The following RASAL2 variants were observed in gnomAD, a reference collection of about 807,000 sequenced individuals.
RASAL2 encodes the protein RAS protein activator like 2, also known as ras GTPase-activating protein nGAP.
In RASAL2, 58 loss-of-function variants were observed where a neutral mutation model predicts 128.9. The observed-to-expected ratio is 0.45, with a 90% CI of 0.36 to 0.56. The LOEUF (loss-of-function observed/expected upper bound fraction) is 0.56. Among genes scored for constraint, RASAL2 ranks in the 20% least tolerant of loss-of-function variants. The pLI, the probability that RASAL2 is intolerant of heterozygous loss-of-function variation, is 0.00. For synonymous variants in RASAL2, 561 were observed against 580.8 expected (o/e 0.97, Z 0.49); for missense variants, 1,360 against 1,601.6 (o/e 0.85, Z 2.57).
intron 3 of RASAL2, chr1:178,341,723 A>T: frequency 6.8e-7 from 1 of 1,461,954 alleles, no homozygotes; most frequent in South Asian, 1.2e-5. Context: ...TATTGGCTTT[A>T]AAAAAATAGG....
intron 3 of RASAL2, among the ~76,000 whole-genome samples, chr1:178,331,406 A>T (rs1669303339): frequency 6.6e-6 from 1 of 152,166 alleles, no homozygotes; most frequent in Non-Finnish European, 1.5e-5. Flanking sequence ...CCCTTATAAA[A>T]ATAAATTTAT....
intron 1 of RASAL2, among the ~76,000 whole-genome samples, chr1:178,131,979 A>G (rs1283356917): frequency 6.6e-6 from 1 of 152,084 alleles, no homozygotes; most frequent in African/African-American, 2.4e-5. Flanking sequence ...ATGTTTTAGA[A>G]TTTTTGTTTC....
At chr1:178,345,135 C>T (rs72707017) in intron 3 of RASAL2, among the ~76,000 whole-genome samples, 4,888 of 152,256 alleles carry the variant, frequency 0.032, 99 homozygotes, top group Non-Finnish European at 0.051. Context: ...AACTCAAGCA[C>T]ATGAAGAGGG....
chr1:178,321,627 C>A (rs546111465), intron 3 of RASAL2, among the ~76,000 whole-genome samples: 135 of 152,124 alleles, frequency 8.9e-4, no homozygotes, highest in Non-Finnish European at 1.4e-3. Flanking sequence ...TCCTCCCCTG[C>A]CTCAGCCTCC....
chr1:178,347,448 A>T (rs1670208104), intron 3 of RASAL2, among the ~76,000 whole-genome samples: 1 of 152,222 alleles, frequency 6.6e-6, no homozygotes, highest in South Asian at 2.1e-4. Flanking sequence ...TTAAATTTTA[A>T]CGTTTGATCA....
chr1:178,246,240 C>T (rs966088450), intron 1 of RASAL2, among the ~76,000 whole-genome samples: 1 of 152,124 alleles, frequency 6.6e-6, no homozygotes, highest in African/African-American at 2.4e-5. Context: ...TCCCTTATTT[C>T]CTTGAGCAGT....
intron 1 of RASAL2, among the ~76,000 whole-genome samples, chr1:178,162,514 T>A (rs1171660799): frequency 1.5e-5 from 2 of 131,322 alleles, no homozygotes; most frequent in African/African-American, 5.7e-5. Flanking sequence ...TTATATATAT[T>A]TTATATAAAG....
chr1:178,253,098 A>T (rs759487869), intron 1 of RASAL2, among the ~76,000 whole-genome samples: 1 of 152,140 alleles, frequency 6.6e-6, no homozygotes, highest in Non-Finnish European at 1.5e-5. Flanking sequence ...CAAGACTCTG[A>T]GGGAAAATCT....
At chr1:178,403,133 T>TA (rs981807226) in intron 4 of RASAL2, among the ~76,000 whole-genome samples, 3 of 152,088 alleles carry the variant, frequency 2.0e-5, no homozygotes, top group African/African-American at 7.2e-5. Context: ...CAATAAAATT[T>TA]AAAAAAAATC....
At chr1:178,466,885 A>G (rs1196416473) in intron 16 of RASAL2, among the ~76,000 whole-genome samples, 1 of 152,248 alleles carries the variant, frequency 6.6e-6, no homozygotes, top group Non-Finnish European at 1.5e-5. Flanking sequence ...TGGCAGAATT[A>G]AACATCAATG....
rs1018838271 is a variant in RASAL2, at chr1:178,262,197, G to A, written c.203-21367G>A. 3.3e-5 allele frequency among the ~76,000 whole-genome samples: 5 copies of A among 152,152 alleles called. No homozygotes were observed. In the East Asian group the frequency reaches 7.7e-4, roughly 23 times the overall value. On this transcript the variant is annotated intron_variant, in intron 1 of 17. Transcript: ENST00000367649. ...AAAACAGTGACTAAAAAGAGAAAGTGGGCAGGCTCCTTGTATTGTTAGGAA... is the reference window on the plus strand; with the variant it reads ...AAAACAGTGACTAAAAAGAGAAAGTAGGCAGGCTCCTTGTATTGTTAGGAA...
intron 3 of RASAL2, among the ~76,000 whole-genome samples, chr1:178,349,499 A>G (rs1291067848): frequency 6.6e-6 from 1 of 152,050 alleles, no homozygotes; most frequent in African/African-American, 2.4e-5. Flanking sequence ...AATAGGTTAG[A>G]TGAGGAAAGC....
At chr1:178,430,001 A>G (rs1675780545) in intron 5 of RASAL2, among the ~76,000 whole-genome samples, 1 of 152,102 alleles carries the variant, frequency 6.6e-6, no homozygotes, top group African/African-American at 2.4e-5. Flanking sequence ...TTCTAGGACT[A>G]ACTTTTTTAT....
In RASAL2 at chr1:178,452,543, A is replaced by T. The variant is rs141944105; in HGVS notation, c.1900A>T (p.Ile634Phe). The T allele has an allele frequency of 6.2e-7, 1 of 1,614,026 alleles. No individual in the cohort carries two copies. Among genetic ancestry groups the T allele is most frequent in the Non-Finnish European group, 8.5e-7 (1 of 1,179,938 alleles). The change falls in exon 11 of 18, where the codon ATT becomes TTT. Residue 634 changes from isoleucine to phenylalanine, a missense_variant. By Grantham distance (21) the Ile-to-Phe change is conservative. Around this residue, in one of 3 missense-constraint regions of RASAL2, gnomAD observed 741 missense variants for 868.6 expected, o/e 0.85. Transcript: ENST00000367649. The stretch of plus-strand genomic sequence containing the variant: ...ATTTCTCCGTTTTCTGTGTCCAGCC[A>T]TTATGTCTCCCAGTCTTTTCAACCT... ...SLFLRFLCPAIMSPSLFNLMQ... is the reference protein window; with the variant it reads ...SLFLRFLCPAFMSPSLFNLMQ...
Position 178,443,248 on chromosome 1 carries a change from T to C in RASAL2, c.1482+19T>C, listed in dbSNP as rs2102850296. 6.4e-7 allele frequency: 1 copy of C among 1,563,186 alleles called. No individual in the cohort carries two copies. The highest frequency in any genetic ancestry group is 1.4e-5 in the African/African-American group (1 of 73,750). On this transcript the variant is annotated intron_variant, in intron 8 of 17. Transcript: ENST00000367649. Reference sequence around the variant, plus strand: ...AGCCAAGGTAAGTGGAAAAGGGGGATTGCAGTACCTGAAGTCTCTTCCCTA... The same window carrying C: ...AGCCAAGGTAAGTGGAAAAGGGGGACTGCAGTACCTGAAGTCTCTTCCCTA...
At position 178,107,773 on chromosome 1, in the gene RASAL2, T is replaced by C. The variant is rs1659152368; in HGVS notation, c.202+13079T>C. 3.9e-5 allele frequency among the ~76,000 whole-genome samples: 6 copies of C among 152,344 alleles called. No homozygotes were observed. In the South Asian group the frequency reaches 1.2e-3, roughly 32 times the overall value. ...GCATAATGGCTTCAAGGTCCATTCT[T>C]GTAACATGTATAAAAATTTCATTTT... On this transcript the variant is annotated intron_variant, in intron 1 of 17. Coordinates refer to ENST00000367649, the MANE Select transcript of RASAL2 (RefSeq NM_170692.4).
At chr1:178,432,774 A>G (rs954182282) in intron 5 of RASAL2, among the ~76,000 whole-genome samples, 4 of 152,088 alleles carry the variant, frequency 2.6e-5, no homozygotes, top group Admixed American at 2.0e-4. Context: ...TCTCAGTGCC[A>G]TCTACTTCTT....
chr1:178,292,230 G>T (rs1332390636), intron 2 of RASAL2, among the ~76,000 whole-genome samples: 2 of 152,068 alleles, frequency 1.3e-5, no homozygotes, highest in Non-Finnish European at 2.9e-5. Flanking sequence ...AATTAAAAGG[G>T]TTCTGTAAGG....
intron 5 of RASAL2, among the ~76,000 whole-genome samples, chr1:178,430,782 G>A (rs1010347461): frequency 2.6e-5 from 4 of 151,990 alleles, no homozygotes; most frequent in Non-Finnish European, 5.9e-5. Flanking sequence ...TAGCTGATGT[G>A]AATATGTAGG....
Sources: allele counts gnomAD v4.1 joint callset (sites outside exome capture counted in the v4.1 genomes callset), GRCh38; gene constraint gnomAD v4.1.1; regional missense constraint gnomAD v4.1.1; transcripts MANE v1.5; gene names NCBI Gene and HGNC (gene_info 2026-07-23, HGNC 2026-07-21).